Variants in SLC45A4 observed in about 807,000 individuals in gnomAD.
The protein encoded by SLC45A4 is solute carrier family 45 member 4, also known as polyamine-transporter SLC45A4.
In SLC45A4, 32 loss-of-function variants were observed where a neutral mutation model predicts 63.7. The observed-to-expected ratio is 0.50, with a 90% confidence interval of 0.38 to 0.67. The LOEUF is 0.67. SLC45A4 is among the 30% of genes least tolerant of loss of function. The pLI is 0.00. For missense variants in SLC45A4, 1,027 were observed against 1,157.7 expected (o/e 0.89, Z 1.64); for synonymous variants, 535 against 510.0 (o/e 1.05, Z -0.66).
rs546157075 is a variant in SLC45A4 at position 141,307,328 on chromosome 8, C to G, written c.-401+768G>C. Among the ~76,000 whole-genome samples the G allele has an allele frequency of 2.0e-5, 3 of 152,270 alleles. No individual in the cohort carries two copies. The East Asian group carries it at 5.8e-4, about 29-fold the overall frequency. ...GAATCTGGGCCCGGATGAACTGATG[C>G]CCTGGCCTCTTTCCTCCAGGGACAA... On this transcript the variant is annotated intron_variant, in intron 1 of 8. Coordinates refer to ENST00000517878, the MANE Select transcript of SLC45A4 (RefSeq NM_001286646.2).
intron 3 of SLC45A4, among the ~76,000 whole-genome samples, 160 bp from the exon 4 acceptor site, chr8:141,219,989 G>A (rs74862788): frequency 0.01 from 1,584 of 152,344 alleles, 10 homozygotes; most frequent in Non-Finnish European, 0.017. Flanking sequence ...CAGAGGCAGC[G>A]GAAAGGAGTT....
At chr8:141,234,273 G>A (rs1426707923) in intron 2 of SLC45A4, among the ~76,000 whole-genome samples, 1 of 152,180 alleles carries the variant, frequency 6.6e-6, no homozygotes, top group Non-Finnish European at 1.5e-5. Flanking sequence ...TTCATTCACC[G>A]TCAGGACCTC....
chr8:141,274,246 A>G (rs1196508328), intron 1 of SLC45A4, among the ~76,000 whole-genome samples: 1 of 150,426 alleles, frequency 6.6e-6, no homozygotes, highest in African/African-American at 2.5e-5. Flanking sequence ...CAAAATGTAA[A>G]GTTTGGGCCA....
At chr8:141,240,733 G>A (rs1024846076) in intron 2 of SLC45A4, among the ~76,000 whole-genome samples, 11 of 152,218 alleles carry the variant, frequency 7.2e-5, no homozygotes, top group African/African-American at 2.7e-4. Context: ...GTGACAGAGC[G>A]AGACCCTGTC....
intron 2 of SLC45A4, among the ~76,000 whole-genome samples, chr8:141,246,283 C>T (rs1263299883): frequency 6.6e-6 from 1 of 152,194 alleles, no homozygotes; most frequent in Non-Finnish European, 1.5e-5. Context: ...TAACAAACTG[C>T]ACACCACCCA....
At chr8:141,262,599 A>G (rs1303228355) in intron 1 of SLC45A4, among the ~76,000 whole-genome samples, 13 of 150,732 alleles carry the variant, frequency 8.6e-5, no homozygotes, top group African/African-American at 3.1e-4. Flanking sequence ...ATGCAGCCAA[A>G]AAACACATGA....
intron 2 of SLC45A4, among the ~76,000 whole-genome samples, chr8:141,232,576 C>G (rs530895668): frequency 6.6e-6 from 1 of 152,024 alleles, no homozygotes; most frequent in African/African-American, 2.4e-5. Flanking sequence ...CTCAACGGCT[C>G]CCAGGTGAGC....
intron 1 of SLC45A4, among the ~76,000 whole-genome samples, chr8:141,297,985 C>T (rs1045163910): frequency 2.0e-5 from 3 of 152,134 alleles, no homozygotes; most frequent in African/African-American, 7.2e-5. Context: ...CCCAGCTTCT[C>T]ACTCCAGCTG....
intron 2 of SLC45A4, among the ~76,000 whole-genome samples, chr8:141,248,235 T>C (rs948177868): frequency 1.3e-5 from 2 of 152,194 alleles, no homozygotes; most frequent in Non-Finnish European, 2.9e-5. Context: ...CCAAATTTCA[T>C]CAAAATTTAA....
At position 141,269,308 on chromosome 8, in the gene SLC45A4, G is replaced by A. The variant is rs146762870; in HGVS notation, c.-400-14679C>T. Reference sequence around the variant, plus strand: ...CGTCTTTGTGCATTTTGTGCCACAAGTCAGGGCACTTCAGAAACCGAAAAG... The same window carrying A: ...CGTCTTTGTGCATTTTGTGCCACAAATCAGGGCACTTCAGAAACCGAAAAG... On this transcript the variant is annotated intron_variant, in intron 1 of 8. Coordinates refer to ENST00000517878, the MANE Select transcript of SLC45A4 (RefSeq NM_001286646.2). Among the ~76,000 whole-genome samples, 1,198 of 152,344 alleles carry A rather than the reference G, an allele frequency of 7.9e-3. 15 individuals carry two copies. The highest frequency in any genetic ancestry group is 0.028 in the African/African-American group (1,149 of 41,582).
At chr8:141,219,523 GC>G in intron 4 of SLC45A4, 126 bp downstream of exon 4, 2 of 1,195,028 alleles carry the variant, frequency 1.7e-6, no homozygotes, top group Non-Finnish European at 2.3e-6. Flanking sequence ...CTAAGACCCT[GC>G]CCACTGCCTC....
chr8:141,235,911 G>A (rs1381091809), intron 2 of SLC45A4, among the ~76,000 whole-genome samples: 4 of 152,132 alleles, frequency 2.6e-5, no homozygotes. Context: ...AGACCAGCCT[G>A]GCCAACATGG....
At chr8:141,260,092 G>A (rs1406241778) in intron 1 of SLC45A4, among the ~76,000 whole-genome samples, 2 of 152,174 alleles carry the variant, frequency 1.3e-5, no homozygotes, top group Non-Finnish European at 1.5e-5. Context: ...GACACAGCTG[G>A]CTTCCCTTCC....
chr8:141,237,645 G>A (rs1030391474), intron 2 of SLC45A4, among the ~76,000 whole-genome samples: 3 of 152,114 alleles, frequency 2.0e-5, no homozygotes, highest in African/African-American at 7.2e-5. Flanking sequence ...AAAGCCACAC[G>A]GTGTCCCTCA....
chr8:141,288,976 C>T (rs758573959), intron 1 of SLC45A4, among the ~76,000 whole-genome samples: 4 of 146,072 alleles, frequency 2.7e-5, no homozygotes, highest in African/African-American at 7.3e-5. Flanking sequence ...GCTAATCCTT[C>T]GGCGTGGGTG....
chr8:141,250,061 C>T (rs1169831627), intron 2 of SLC45A4, among the ~76,000 whole-genome samples: 4 of 152,192 alleles, frequency 2.6e-5, no homozygotes, highest in Non-Finnish European at 4.4e-5. Flanking sequence ...TACAACTCTC[C>T]CCATTTCAGT....
intron 1 of SLC45A4, among the ~76,000 whole-genome samples, chr8:141,293,281 C>A (rs958237694): frequency 1.3e-5 from 2 of 151,984 alleles, no homozygotes; most frequent in Admixed American, 6.6e-5. Context: ...GGTGAAACCC[C>A]ATCTCTACTA....
intron 1 of SLC45A4, among the ~76,000 whole-genome samples, chr8:141,283,779 T>C (rs1180813972): frequency 6.6e-6 from 1 of 152,154 alleles, no homozygotes; most frequent in African/African-American, 2.4e-5. Context: ...AAGGGAAACC[T>C]CCAGCTCCAC....
At chr8:141,243,442 C>T (rs1429365578) in intron 2 of SLC45A4, among the ~76,000 whole-genome samples, 1 of 152,238 alleles carries the variant, frequency 6.6e-6, no homozygotes, top group East Asian at 1.9e-4. Context: ...CACTTGCCAT[C>T]AACCATACTA....
Sources: gnomAD v4.1 joint callset for allele counts (sites outside exome capture counted in the v4.1 genomes callset) on GRCh38, gnomAD v4.1.1 for gene constraint, MANE v1.5 for transcripts, NCBI Gene and HGNC (gene_info 2026-07-23, HGNC 2026-07-21) for gene names.